Variants in SQSTM1 observed in about 807,000 individuals in gnomAD.
The protein encoded by SQSTM1 is sequestosome 1, also known as sequestosome-1.
SQSTM1 carries 36 observed loss-of-function variants against 45.1 expected under a neutral mutation model. The ratio of observed to expected loss-of-function variants is 0.80; its 90% CI spans 0.61 to 1.05. SQSTM1 has a LOEUF of 1.05. Ranked by LOEUF, SQSTM1 falls within the 50% of genes least tolerant of loss-of-function variation. SQSTM1 has a pLI of 0.00. For missense variants in SQSTM1, 617 were observed against 607.1 expected, an observed-to-expected ratio of 1.02 and a Z score of -0.17; for synonymous variants, 290 against 244.3, an observed-to-expected ratio of 1.19 and a Z score of -1.74.
chr5:179,821,635 G>C (rs780307364), intron 1 of SQSTM1: 3 of 420,436 alleles, frequency 7.1e-6, no homozygotes, highest in Non-Finnish European at 1.4e-5. Flanking sequence ...GCGCGGGGGT[G>C]CGGGGGACTC....
At position 179,806,456 on chromosome 5, in the gene SQSTM1, C is replaced by A. The variant is rs200371423; in HGVS notation, c.-292C>A. ...TCCCGCCGCCGACGCCCAGGTGCGCCAGGTGCGGGCCGGGCGGGGGTCGCG... is the reference window on the plus strand; with the variant it reads ...TCCCGCCGCCGACGCCCAGGTGCGCAAGGTGCGGGCCGGGCGGGGGTCGCG... On this transcript the variant is annotated 5_prime_UTR_variant, in exon 1 of 6. Transcript: ENST00000514093. This position sits in a 1 kb window ranked among gnomAD's most constrained non-coding sequence, Gnocchi z 4.6. The A allele has an allele frequency of 3.3e-6, 4 of 1,220,284 alleles. No homozygotes were observed. The highest frequency in any genetic ancestry group is 4.2e-6 in the Non-Finnish European group (4 of 955,038). 75.6% of individuals were successfully genotyped at this position (1,220,284 alleles called of 1,614,324 possible).
intron 5 of SQSTM1, among the ~76,000 whole-genome samples, chr5:179,829,349 C>T (rs1758121210): frequency 6.6e-6 from 1 of 152,218 alleles, no homozygotes; most frequent in South Asian, 2.1e-4. Context: ...CCCAGGCACC[C>T]TGCAGAGGGA....
chr5:179,836,887 C>T lies in SQSTM1; in HGVS notation c.*294C>T, dbSNP rs1446834521. The T allele has an allele frequency of 6.6e-6, 4 of 609,628 alleles. No homozygotes were observed. Among genetic ancestry groups the T allele is most frequent in the Non-Finnish European group, 1.2e-5 (4 of 344,900 alleles). 37.8% of individuals were successfully genotyped at this position (609,628 alleles called of 1,614,324 possible). On this transcript the variant is annotated 3_prime_UTR_variant, in exon 8 of 8. Coordinates refer to ENST00000389805, the MANE Select transcript of SQSTM1 (RefSeq NM_003900.5). The stretch of plus-strand genomic sequence containing the variant: ...CCCCTCCCTGCAGGGGCTACGTTAG[C>T]AGCCCAGCACATAGCTTGCCTAATG...
chr5:179,821,499 C>G (rs1372334017), intron 1 of SQSTM1: 4 of 524,256 alleles, frequency 7.6e-6, no homozygotes, highest in Non-Finnish European at 1.5e-5. Flanking sequence ...TCTCCGCGGG[C>G]ACTGGGTGGT....
At chr5:179,815,414 C>G (rs966792891), upstream of SQSTM1, among the ~76,000 whole-genome samples, 1 of 151,144 alleles carries the variant, frequency 6.6e-6, no homozygotes, top group Non-Finnish European at 1.5e-5. Context: ...AAGACTCTGT[C>G]TCGAAAAAAA....
At chr5:179,833,808 A>G (rs754390334) in intron 7 of SQSTM1, 26 bp downstream of exon 7, 69 of 1,612,808 alleles carry the variant, frequency 4.3e-5, no homozygotes, top group Non-Finnish European at 5.7e-5. Context: ...GGTTTTGTAC[A>G]TATTCCTACC....
intron 5 of SQSTM1, among the ~76,000 whole-genome samples, chr5:179,826,883 G>C (rs1299629946): frequency 6.6e-6 from 1 of 152,034 alleles, no homozygotes; most frequent in Non-Finnish European, 1.5e-5. Context: ...GCCCGGCCAA[G>C]AATCAGTATT....
intron 1 of SQSTM1, chr5:179,821,442 C>G (rs1253741195): frequency 1.6e-6 from 1 of 606,542 alleles, no homozygotes; most frequent in African/African-American, 1.9e-5. Context: ...CCACCCCCCG[C>G]GCTGTTGGGG....
At chr5:179,809,775 C>A (rs1757339519) in intron 1 of SQSTM1, among the ~76,000 whole-genome samples, 1 of 151,060 alleles carries the variant, frequency 6.6e-6, no homozygotes, top group Admixed American at 6.6e-5. Flanking sequence ...ACCTGAGTAG[C>A]TGAGATTACA....
In SQSTM1 at chr5:179,824,142, A is replaced by AC. The variant is rs1213418734; in HGVS notation, c.532-37dup. On this transcript the variant is annotated intron_variant, in intron 3 of 7. Coordinates refer to ENST00000389805, the MANE Select transcript of SQSTM1 (RefSeq NM_003900.5). ...TGGGCTCAGGGTGGCAGGAACCTTG[A>AC]CCCGCTCACTGCCTGCCGCTCTGCT... The AC allele has an allele frequency of 3.7e-6, 6 of 1,613,216 alleles. No individual in the cohort carries two copies. The Admixed American group carries it at 1.0e-4, about 27-fold the overall frequency.
chr5:179,821,614 C>T (rs757942326), intron 1 of SQSTM1: 10 of 437,622 alleles, frequency 2.3e-5, no homozygotes, highest in Non-Finnish European at 4.1e-5. Flanking sequence ...GGGAGTGACG[C>T]GGGTAAACAA....
At chr5:179,817,730 G>A (rs938683964), upstream of SQSTM1, among the ~76,000 whole-genome samples, 1 of 152,204 alleles carries the variant, frequency 6.6e-6, no homozygotes, top group Non-Finnish European at 1.5e-5. Context: ...GTGATGCCTG[G>A]CCGGGCGGGT....
chr5:179,825,251 C>G (rs754226796), intron 5 of SQSTM1, 25 bp downstream of exon 5: 1 of 1,584,554 alleles, frequency 6.3e-7, no homozygotes. Context: ...TTGCCCAGTG[C>G]TTCCCTAACT....
intron 5 of SQSTM1, among the ~76,000 whole-genome samples, chr5:179,826,363 C>T (rs1239381270): frequency 1.3e-5 from 2 of 152,130 alleles, no homozygotes; most frequent in African/African-American, 2.4e-5. Context: ...GACGGGGTTT[C>T]GCCACGTTGG....
At chr5:179,830,442 T>C (rs1271108195) in intron 5 of SQSTM1, among the ~76,000 whole-genome samples, 3 of 152,164 alleles carry the variant, frequency 2.0e-5, no homozygotes, top group Admixed American at 6.6e-5. Context: ...TCATCTGGGC[T>C]GGAGAGCAGT....
intron 5 of SQSTM1, among the ~76,000 whole-genome samples, chr5:179,827,975 CCCAGGCTGCTCCTGGCT>C (rs1758063461): frequency 1.3e-5 from 2 of 152,182 alleles, no homozygotes; most frequent in Non-Finnish European, 2.9e-5. Flanking sequence ...ACAACTGAGA[CCCAGGCTGCTCCTGGCT>C]GGGAGGCTAC....
intron 5 of SQSTM1, among the ~76,000 whole-genome samples, chr5:179,831,224 C>T (rs1758200942): frequency 6.6e-6 from 1 of 152,206 alleles, no homozygotes; most frequent in Non-Finnish European, 1.5e-5. Flanking sequence ...CAGAGAGCTG[C>T]CAGTCCTGGC....
chr5:179,836,770 T>G lies in SQSTM1; in HGVS notation c.*177T>G. 1.1e-6 allele frequency: 1 copy of G among 925,038 alleles called. No individual in the cohort carries two copies. Among genetic ancestry groups the G allele is most frequent in the East Asian group, 2.6e-5 (1 of 38,974 alleles). 57.3% of individuals were successfully genotyped at this position (925,038 alleles called of 1,614,324 possible). A position where few individuals can be genotyped will look rare whatever the true frequency, so the allele number is the denominator to read the frequency against. On this transcript the variant is annotated 3_prime_UTR_variant, in exon 8 of 8. Transcript: ENST00000389805. ...AAGTGACATGAAGGGAGGGTCCCTG[T>G]GTGTGTGTGTGCTGATGTTTCCTGG...
intron 1 of SQSTM1, chr5:179,807,677 G>C (rs933525094): frequency 6.6e-6 from 1 of 152,600 alleles, no homozygotes; most frequent in African/African-American, 2.4e-5. Flanking sequence ...TTTTGAGACG[G>C]AGTCTCGCTC....
Sources: allele counts gnomAD v4.1 joint callset (sites outside exome capture counted in the v4.1 genomes callset), GRCh38; gene constraint gnomAD v4.1.1; non-coding constraint Gnocchi (gnomAD v3.1); transcripts MANE v1.5; gene names NCBI Gene and HGNC (gene_info 2026-07-23, HGNC 2026-07-21).